The following AFG1L variants were observed in gnomAD, a reference collection of about 807,000 sequenced individuals.
The protein encoded by AFG1L is AFG1-like ATPase.
AFG1L carries 53 observed loss-of-function variants against 62.2 expected under a neutral mutation model. The ratio of observed to expected loss-of-function variants is 0.85; its 90% CI spans 0.68 to 1.07. AFG1L has a LOEUF of 1.07. AFG1L is among the 50% of genes least tolerant of loss of function. The pLI is 0.00. For synonymous variants in AFG1L, 228 were observed against 210.3 expected (o/e 1.08, Z -0.73); for missense variants, 555 against 590.5 (o/e 0.94, Z 0.62).
intron 1 of AFG1L, among the ~76,000 whole-genome samples, chr6:108,305,412 G>A (rs892169637): frequency 6.6e-6 from 1 of 152,132 alleles, no homozygotes; most frequent in Non-Finnish European, 1.5e-5. Flanking sequence ...TTGAGACAGA[G>A]TCTTGCTCTA....
intron 10 of AFG1L, among the ~76,000 whole-genome samples, chr6:108,491,053 T>G (rs528564759): frequency 4.6e-5 from 7 of 152,246 alleles, no homozygotes; most frequent in Non-Finnish European, 7.3e-5. Context: ...TTTATTTATG[T>G]CTTATCTGAT....
intron 10 of AFG1L, among the ~76,000 whole-genome samples, chr6:108,507,504 T>C (rs922343062): frequency 2.0e-5 from 3 of 152,224 alleles, no homozygotes; most frequent in Non-Finnish European, 2.9e-5. Context: ...ATGTAATTTG[T>C]AAAATAGCTG....
chr6:108,446,139 A>C (rs1015829934), intron 7 of AFG1L, among the ~76,000 whole-genome samples: 1 of 151,480 alleles, frequency 6.6e-6, no homozygotes, highest in Non-Finnish European at 1.5e-5. Context: ...CCCAAAATCC[A>C]ACTGACCAAG....
At chr6:108,408,360 C>T (rs190226452) in intron 7 of AFG1L, among the ~76,000 whole-genome samples, 52 of 152,210 alleles carry the variant, frequency 3.4e-4, no homozygotes, top group Admixed American at 1.2e-3. Flanking sequence ...TTATATCTCC[C>T]AGATTATGTG....
chr6:108,315,703 T>C (rs1253445694), intron 1 of AFG1L, among the ~76,000 whole-genome samples: 2 of 152,186 alleles, frequency 1.3e-5, no homozygotes, highest in Non-Finnish European at 2.9e-5. Context: ...CCCACAGTGC[T>C]GAGATTACAG....
intron 7 of AFG1L, among the ~76,000 whole-genome samples, chr6:108,434,100 A>AT (rs1771200697): frequency 6.6e-6 from 1 of 152,204 alleles, no homozygotes; most frequent in Non-Finnish European, 1.5e-5. Flanking sequence ...TGAACAGGTT[A>AT]TAGGAGGAGC....
chr6:108,444,057 C>CATCTATCTATCT (rs60098143), intron 7 of AFG1L, among the ~76,000 whole-genome samples: 630 of 145,238 alleles, frequency 4.3e-3, no homozygotes, highest in East Asian at 5.1e-3. Context: ...GAATATCTCC[C>CATCTATCTATCT]ATCTATCTAT....
intron 10 of AFG1L, among the ~76,000 whole-genome samples, chr6:108,477,556 A>G (rs555480396): frequency 1.9e-4 from 29 of 152,196 alleles, no homozygotes; most frequent in Admixed American, 5.2e-4. Context: ...AAATAAAATC[A>G]GTTTTGGGGC....
intron 7 of AFG1L, among the ~76,000 whole-genome samples, chr6:108,430,690 T>A (rs751031698): frequency 2.1e-4 from 32 of 152,242 alleles, no homozygotes; most frequent in Non-Finnish European, 4.4e-4. Context: ...CAATAAATGA[T>A]TGCCCTTGTT....
rs1554189699 is a variant in AFG1L, at chr6:108,369,947, G to GATCTATCTATCTATCTAT, written c.748+3615_748+3616insATCTATCTATCTATCTAT. ...GGCTGGCTGGCTGGCTGGCTGGCTG[G>GATCTATCTATCTATCTAT]CTATCTATCTATCTATCTATCTATC... is the stretch of plus-strand genomic sequence containing the variant. On this transcript the variant is annotated intron_variant, in intron 6 of 12. Transcript: ENST00000368977. Among the ~76,000 whole-genome samples the GATCTATCTATCTATCTAT allele has an allele frequency of 6.5e-3, 842 of 130,220 alleles. 4 individuals are homozygous for GATCTATCTATCTATCTAT. The highest frequency in any genetic ancestry group is 8.5e-3 in the Non-Finnish European group (528 of 62,104). 85.4% of individuals were successfully genotyped at this position (130,220 alleles called of 152,430 possible).
chr6:108,366,020 G>A (rs1320183694), intron 5 of AFG1L, among the ~76,000 whole-genome samples: 6 of 152,046 alleles, frequency 3.9e-5, no homozygotes, highest in Non-Finnish European at 7.4e-5. Flanking sequence ...GGTAATTTGT[G>A]TAGAAATGAT....
intron 3 of AFG1L, among the ~76,000 whole-genome samples, chr6:108,354,032 G>T (rs9486865): frequency 6.6e-6 from 1 of 152,160 alleles, no homozygotes; most frequent in Non-Finnish European, 1.5e-5. Flanking sequence ...TAGACAGGAA[G>T]TGATCTTGTG....
chr6:108,518,653 TAAAA>T (rs900829467), intron 11 of AFG1L, among the ~76,000 whole-genome samples: 3 of 151,760 alleles, frequency 2.0e-5, no homozygotes, highest in Non-Finnish European at 4.4e-5. Flanking sequence ...AGTATAATAA[TAAAA>T]AAAAGAATAT....
intron 9 of AFG1L, 101 bp downstream of exon 9, chr6:108,477,036 C>A: frequency 8.8e-7 from 1 of 1,133,100 alleles, no homozygotes; most frequent in Non-Finnish European, 1.3e-6. Flanking sequence ...TGGGTTGATG[C>A]CACGCTCAAG....
intron 7 of AFG1L, among the ~76,000 whole-genome samples, chr6:108,426,404 T>G (rs1467311593): frequency 6.6e-6 from 1 of 152,168 alleles, no homozygotes; most frequent in Non-Finnish European, 1.5e-5. Context: ...AAATTAAAGC[T>G]TACAGGAGCT....
chr6:108,414,552 A>G (rs1215678829), intron 7 of AFG1L, among the ~76,000 whole-genome samples: 1 of 152,220 alleles, frequency 6.6e-6, no homozygotes, highest in Non-Finnish European at 1.5e-5. Context: ...ATCCAGCAGC[A>G]CATCAAAAAG....
chr6:108,502,087 C>T (rs149330796), intron 10 of AFG1L, among the ~76,000 whole-genome samples: 3,756 of 152,182 alleles, frequency 0.025, 158 homozygotes, highest in African/African-American at 0.085. Flanking sequence ...AGTGCAGTGG[C>T]GTGATCTCGG....
intron 11 of AFG1L, among the ~76,000 whole-genome samples, chr6:108,516,269 C>G (rs1473778745): frequency 6.6e-6 from 1 of 152,104 alleles, no homozygotes; most frequent in Non-Finnish European, 1.5e-5. Flanking sequence ...ACTGGCAAAC[C>G]GAATCCAGCA....
In AFG1L at chr6:108,475,502, A is replaced by C. The variant is rs182734082; in HGVS notation, c.891-1363A>C. 3.0e-3 allele frequency among the ~76,000 whole-genome samples: 454 copies of C among 152,232 alleles called. 1 individual carries two copies. Among genetic ancestry groups the C allele is most frequent in the African/African-American group, 0.011 (436 of 41,516 alleles). On this transcript the variant is annotated intron_variant, in intron 8 of 12. Transcript: ENST00000368977. Reference sequence around the variant, plus strand: ...ACATGTGCTTGGCATGACCATTGACATTTACATTGGTTTGTGTGATTTCTT... The same window carrying C: ...ACATGTGCTTGGCATGACCATTGACCTTTACATTGGTTTGTGTGATTTCTT...
Sources: gnomAD v4.1 joint callset for allele counts (sites outside exome capture counted in the v4.1 genomes callset) on GRCh38, gnomAD v4.1.1 for gene constraint, MANE v1.5 for transcripts, NCBI Gene and HGNC (gene_info 2026-07-23, HGNC 2026-07-21) for gene names.